Variants in ANKMY1 observed in about 807,000 individuals in gnomAD.
ANKMY1 encodes ankyrin repeat and MYND domain-containing protein 1.
A neutral mutation model predicts 102.0 loss-of-function variants in ANKMY1; 98 were observed. That is an observed-to-expected ratio of 0.96 (90% confidence interval 0.82 to 1.14). The LOEUF is 1.14. Ranked by LOEUF, ANKMY1 falls within the 50% of genes most tolerant of loss-of-function variation. The probability of loss-of-function intolerance (pLI) is 0.00; values close to 1 mark genes in which losing one functional copy is unlikely to be tolerated. For synonymous variants in ANKMY1, 582 were observed against 559.9 expected (o/e 1.04, Z -0.56); for missense variants, 1,330 against 1,347.6 (o/e 0.99, Z 0.20).
At position 240,556,197 on chromosome 2, in the gene ANKMY1, T is replaced by A. The variant is rs1032191398; in HGVS notation, c.146+993A>T. On this transcript the variant is annotated intron_variant, in intron 2 of 17. Transcript: ENST00000401804. ...AAAGCCCATTGTTGGGAAAAGGGCT[T>A]GTGGGAAAAGGGCTTGTGGGGTGCC... Among the ~76,000 whole-genome samples, 8 of 151,432 alleles carry A rather than the reference T, an allele frequency of 5.3e-5. 1 individual carries two copies. Among genetic ancestry groups the A allele is most frequent in the Admixed American group, 3.9e-4 (6 of 15,274 alleles).
chr2:240,520,288 G>A lies in ANKMY1; in HGVS notation c.2004+74C>T. On this transcript the variant is annotated intron_variant, in intron 9 of 17. Coordinates refer to ENST00000401804, the MANE Select transcript of ANKMY1 (RefSeq NM_001282771.3). The surrounding 1 kb of genome is among the most constrained non-coding windows in gnomAD (Gnocchi z 4.8). Reference sequence around the variant, plus strand: ...CACCCCTCTCTTCCGCGCCTAGGTGGAGCGAGGAGCTTCCCGGCCAGTGCC... The same window carrying A: ...CACCCCTCTCTTCCGCGCCTAGGTGAAGCGAGGAGCTTCCCGGCCAGTGCC... 6.7e-7 allele frequency: 1 copy of A among 1,487,064 alleles called. No individual in the cohort carries two copies. Among genetic ancestry groups the A allele is most frequent in the South Asian group, 1.3e-5 (1 of 75,990 alleles). The allele number at this position is 1,487,064 out of a possible 1,614,324, so 92.1% of individuals were successfully genotyped here. A position where few individuals can be genotyped will look rare whatever the true frequency, so the allele number is the denominator to read the frequency against.
At chr2:240,517,793 G>A (rs1050824968) in intron 9 of ANKMY1, among the ~76,000 whole-genome samples, 2 of 152,100 alleles carry the variant, frequency 1.3e-5, no homozygotes, top group African/African-American at 4.8e-5. Context: ...GTGACAGAGT[G>A]GGACCCTGCC....
At chr2:240,507,501 G>A in intron 13 of ANKMY1, 59 bp downstream of exon 13, 1 of 1,536,382 alleles carries the variant, frequency 6.5e-7, no homozygotes, top group Non-Finnish European at 8.8e-7. Flanking sequence ...CCTCACTCAG[G>A]GCCACCCCAC....
chr2:240,511,562 A>G (rs906504486), intron 11 of ANKMY1, among the ~76,000 whole-genome samples: 8 of 152,252 alleles, frequency 5.3e-5, no homozygotes, highest in Non-Finnish European at 1.2e-4. Context: ...GAGGAGGGTC[A>G]GCAGCACCAG....
intron 1 of ANKMY1, 27 bp from the exon 2 acceptor site, chr2:240,557,379 G>A: frequency 7.0e-7 from 1 of 1,434,110 alleles, no homozygotes; most frequent in Non-Finnish European, 9.2e-7. Context: ...GACCGCACAT[G>A]TGCCCCCAGG....
upstream of ANKMY1, chr2:240,560,536 C>A (rs1446522271): frequency 1.6e-5 from 19 of 1,188,362 alleles, no homozygotes; most frequent in Non-Finnish European, 1.9e-5. Context: ...CGCGGGGGAC[C>A]CAAGCCCCAG....
intron 13 of ANKMY1, among the ~76,000 whole-genome samples, chr2:240,503,020 T>C (rs1335181764): frequency 1.3e-5 from 2 of 151,844 alleles, no homozygotes; most frequent in Admixed American, 6.6e-5. Flanking sequence ...CCTCCACACC[T>C]CTTTAGACCC....
chr2:240,531,102 T>C (rs561025888), intron 4 of ANKMY1, among the ~76,000 whole-genome samples: 1 of 152,242 alleles, frequency 6.6e-6, no homozygotes, highest in East Asian at 1.9e-4. Flanking sequence ...CACTTCACCA[T>C]AGAAGATATG....
chr2:240,524,527 A>G, intron 7 of ANKMY1, 146 bp from the exon 8 acceptor site: 2 of 902,748 alleles, frequency 2.2e-6, no homozygotes, highest in Non-Finnish European at 1.6e-6. Context: ...CTTTCCCCAA[A>G]CCCTCAAAGA....
At chr2:240,530,817 T>G (rs2085185494) in intron 4 of ANKMY1, among the ~76,000 whole-genome samples, 2 of 151,946 alleles carry the variant, frequency 1.3e-5, no homozygotes, top group Admixed American at 1.3e-4. Flanking sequence ...AGAGGCTGAG[T>G]TGGAAGGCTC....
At chr2:240,553,139 G>T in intron 3 of ANKMY1, 82 bp from the exon 4 acceptor site, 1 of 1,504,820 alleles carries the variant, frequency 6.6e-7, no homozygotes, top group Non-Finnish European at 9.0e-7. Flanking sequence ...CACCATGCCT[G>T]GTTGGCAATG....
At chr2:240,557,781 G>T in intron 1 of ANKMY1, 100 bp downstream of exon 1, 1 of 789,940 alleles carries the variant, frequency 1.3e-6, no homozygotes, top group Non-Finnish European at 1.5e-6. Context: ...CCTCCCTGGG[G>T]TGGGGACCGC....
chr2:240,485,654 A>G (rs1388199505), intron 15 of ANKMY1, among the ~76,000 whole-genome samples: 1 of 151,236 alleles, frequency 6.6e-6, no homozygotes, highest in Non-Finnish European at 1.5e-5. Context: ...CAGTGGCATG[A>G]TAGTGGCTCA....
downstream of ANKMY1, among the ~76,000 whole-genome samples, chr2:240,478,698 G>A (rs551086172): frequency 2.9e-4 from 43 of 150,462 alleles, no homozygotes; most frequent in Admixed American, 5.3e-4. Context: ...CCCCAGCATG[G>A]AGCCCATCTT....
chr2:240,494,454 A>C (rs11682315), intron 15 of ANKMY1, among the ~76,000 whole-genome samples: 44,200 of 151,892 alleles, frequency 0.29, 6,666 homozygotes, highest in Non-Finnish European at 0.32. Context: ...CACTTCCCAG[A>C]CCCAGCCACT....
chr2:240,491,149 T>A (rs1008781570), intron 15 of ANKMY1, among the ~76,000 whole-genome samples: 9 of 151,732 alleles, frequency 5.9e-5, no homozygotes, highest in Non-Finnish European at 1.3e-4. Context: ...GATATAAGTA[T>A]ACCTAGTTAC....
intron 4 of ANKMY1, among the ~76,000 whole-genome samples, chr2:240,543,068 G>C (rs1346714163): frequency 6.6e-6 from 1 of 151,906 alleles, no homozygotes; most frequent in Non-Finnish European, 1.5e-5. Flanking sequence ...AGGTAAAATA[G>C]GCTGGGCACA....
chr2:240,502,193 C>T (rs143188692), intron 13 of ANKMY1, among the ~76,000 whole-genome samples: 16 of 148,800 alleles, frequency 1.1e-4, no homozygotes, highest in Non-Finnish European at 2.4e-4. Flanking sequence ...GTCTTGTCTA[C>T]GTAGGGCACC....
At position 240,557,881 on chromosome 2, in the gene ANKMY1, C is replaced by A; in HGVS notation, c.-18G>T. 1.0e-6 allele frequency: 1 copy of A among 985,664 alleles called. No individual in the cohort carries two copies. The allele number at this position is 985,664 out of a possible 1,614,324, so 61.1% of individuals were successfully genotyped here. A position where few individuals can be genotyped will look rare whatever the true frequency, so the allele number is the denominator to read the frequency against. Reference sequence around the variant, plus strand: ...CAGCGCTCCTGTCGCGAGACCGCACCAAGCAAGACTCGAAGAGCTCGCGCC... The same window carrying A: ...CAGCGCTCCTGTCGCGAGACCGCACAAAGCAAGACTCGAAGAGCTCGCGCC... On this transcript the variant is annotated splice_region_variant and 5_prime_UTR_variant, in exon 1 of 18. Transcript: ENST00000401804.
Sources: gnomAD v4.1 joint callset for allele counts (sites outside exome capture counted in the v4.1 genomes callset) on GRCh38, gnomAD v4.1.1 for gene constraint, Gnocchi (gnomAD v3.1) non-coding constraint, MANE v1.5 for transcripts, NCBI Gene and HGNC (gene_info 2026-07-23, HGNC 2026-07-21) for gene names.